The following ZNF112 variants were observed in gnomAD, a reference collection of about 807,000 sequenced individuals.
The protein encoded by ZNF112 is zinc finger protein 112.
ZNF112 carries 37 observed loss-of-function variants against 77.7 expected under a neutral mutation model. The ratio of observed to expected loss-of-function variants is 0.48; its 90% CI spans 0.37 to 0.63. The LOEUF (loss-of-function observed/expected upper bound fraction) is 0.63. Among genes scored for constraint, ZNF112 ranks in the 20% least tolerant of loss-of-function variants. ZNF112 has a pLI of 0.00. For synonymous variants in ZNF112, 333 were observed against 363.6 expected, an observed-to-expected ratio of 0.92 and a Z score of 0.96; for missense variants, 950 against 1,077.4, an observed-to-expected ratio of 0.88 and a Z score of 1.66.
chr19:44,347,672 T>C (rs1970620976), intron 1 of ZNF112, among the ~76,000 whole-genome samples: 1 of 151,938 alleles, frequency 6.6e-6, no homozygotes, highest in African/African-American at 2.4e-5. Flanking sequence ...AACAAATAGT[T>C]TCCTTTATCT....
At chr19:44,330,662 T>C (rs1024856884) in intron 3 of ZNF112, among the ~76,000 whole-genome samples, 7 of 152,046 alleles carry the variant, frequency 4.6e-5, no homozygotes, top group Non-Finnish European at 7.4e-5. Flanking sequence ...CTTGAACCCA[T>C]GAGGCAGAGG....
At chr19:44,331,077 C>G (rs1970262521) in intron 3 of ZNF112, among the ~76,000 whole-genome samples, 1 of 152,184 alleles carries the variant, frequency 6.6e-6, no homozygotes. Flanking sequence ...AACGCGCTGC[C>G]AGCTGCGCTA....
Position 44,328,820 on chromosome 19 carries a change from A to T in ZNF112, c.1337T>A (p.Phe446Tyr). The T allele has an allele frequency of 6.2e-7, 1 of 1,614,074 alleles. No homozygotes were observed. The highest frequency in any genetic ancestry group is 8.5e-7 in the Non-Finnish European group (1 of 1,179,970). Residue 446 changes from phenylalanine (F) to tyrosine (Y), a missense_variant, in exon 4 of 4, where the codon TTC becomes TAC. Phe to Tyr is a conservative substitution (Grantham distance 22, BLOSUM62 3). This residue lies in a region of ZNF112 where 560 missense variants were observed against 557.3 expected (regional missense o/e 1.00). Coordinates refer to ENST00000354340, the MANE Select transcript of ZNF112 (RefSeq NM_013380.4). The stretch of plus-strand genomic sequence containing the variant: ...GTCCTGAAAATGTGAGGCCAGACTG[A>T]AGCCATTACCACACTCCTCAGAATT... ...SYNSEECGNG[F>Y]SLASHFQDLQ...
intron 1 of ZNF112, among the ~76,000 whole-genome samples, chr19:44,345,944 T>C (rs1266883502): frequency 6.6e-6 from 1 of 152,222 alleles, no homozygotes; most frequent in Non-Finnish European, 1.5e-5. Context: ...CTCTGTCCAA[T>C]ATTGTTCTTT....
intron 1 of ZNF112, chr19:44,343,189 A>T (rs371854777): frequency 4.5e-6 from 7 of 1,571,738 alleles, no homozygotes; most frequent in Non-Finnish European, 6.1e-6. Flanking sequence ...AAGGGGGAAA[A>T]AGATATGTCC....
At position 44,326,896 on chromosome 19, in the gene ZNF112, T is replaced by C. The variant is rs1006363273; in HGVS notation, c.*537A>G. On this transcript the variant is annotated 3_prime_UTR_variant, in exon 4 of 4. Coordinates refer to ENST00000354340, the MANE Select transcript of ZNF112 (RefSeq NM_013380.4). Reference sequence around the variant, plus strand: ...CAATAGGGTTACAATCAAATTAATGTTATTTCAGATCATCATAATGCTTAT... The same window carrying C: ...CAATAGGGTTACAATCAAATTAATGCTATTTCAGATCATCATAATGCTTAT... 6.5e-5 allele frequency: 10 copies of C among 153,984 alleles called. No individual in the cohort carries two copies. The highest frequency in any genetic ancestry group is 2.4e-4 in the African/African-American group (10 of 41,448). The allele number at this position is 153,984 out of a possible 1,614,324, so 9.5% of individuals were successfully genotyped here.
Position 44,328,002 on chromosome 19 carries a change from C to T in ZNF112, c.2155G>A (p.Val719Ile). 1.2e-6 allele frequency: 2 copies of T among 1,613,912 alleles called. No individual in the cohort carries two copies. Among genetic ancestry groups the T allele is most frequent in the Non-Finnish European group, 1.7e-6 (2 of 1,179,964 alleles). ...CTCTGACTGAAGCCCTTTCCACATACCTCACATATATATGGTCTTTCTCCA... is the reference window on the plus strand; with the variant it reads ...CTCTGACTGAAGCCCTTTCCACATATCTCACATATATATGGTCTTTCTCCA... Reference protein sequence around the residue: ...HSGERPYICEVCGKGFSQRAY... With the variant: ...HSGERPYICEICGKGFSQRAY... The change falls in exon 4 of 4, where the codon GTA (valine) becomes ATA (isoleucine). Residue 719 changes from valine to isoleucine, a missense_variant. Val to Ile is a conservative substitution (Grantham distance 29). Coordinates refer to ENST00000354340, the MANE Select transcript of ZNF112 (RefSeq NM_013380.4).
chr19:44,333,461 G>A (rs560617354), intron 3 of ZNF112, among the ~76,000 whole-genome samples: 18 of 152,114 alleles, frequency 1.2e-4, no homozygotes, highest in East Asian at 3.9e-4. Context: ...TTCGCTCTGC[G>A]TCCCCACCCA....
chr19:44,361,182 A>C (rs906555464), upstream of ZNF112, among the ~76,000 whole-genome samples: 2 of 152,182 alleles, frequency 1.3e-5, no homozygotes, highest in Admixed American at 6.5e-5. Flanking sequence ...AATAGTAAAA[A>C]TATGAAGAAA....
upstream of ZNF112, among the ~76,000 whole-genome samples, chr19:44,359,780 T>C (rs1039816424): frequency 2.0e-5 from 3 of 152,184 alleles, no homozygotes; most frequent in African/African-American, 7.2e-5. Context: ...AATCCATAGA[T>C]AAAAGACTGT....
chr19:44,352,363 A>G (rs1970708912), intron 1 of ZNF112, among the ~76,000 whole-genome samples: 1 of 152,146 alleles, frequency 6.6e-6, no homozygotes, highest in African/African-American at 2.4e-5. Flanking sequence ...GACAAAATAC[A>G]ACATCCACTC....
At chr19:44,358,535 G>C (rs1970821712), upstream of ZNF112, among the ~76,000 whole-genome samples, 1 of 152,176 alleles carries the variant, frequency 6.6e-6, no homozygotes, top group African/African-American at 2.4e-5. Flanking sequence ...TGATGGTCTA[G>C]TTTAGGATCT....
chr19:44,328,300 T>C lies in ZNF112; in HGVS notation c.1857A>G (p.Gln619=), dbSNP rs755396483. 1 of 1,613,966 alleles carries C rather than the reference T, an allele frequency of 6.2e-7. No individual in the cohort carries two copies. The highest frequency in any genetic ancestry group is 8.5e-7 in the Non-Finnish European group (1 of 1,179,940). Reference sequence around the variant, plus strand: ...CTCCAGTGTGGACTCTCTGATGGCCTTGAAGGTGTGAACTCCGACTGAAGC... The same window carrying C: ...CTCCAGTGTGGACTCTCTGATGGCCCTGAAGGTGTGAACTCCGACTGAAGC... ...GKGFSRSSHL[Q]GHQRVHTGEK... The change falls in exon 4 of 4, where the codon CAA becomes CAG. Residue 619 remains glutamine, a synonymous_variant. Transcript: ENST00000354340.
At chr19:44,336,741 A>G in intron 2 of ZNF112, 23 bp from the exon 3 acceptor site, 1 of 1,603,052 alleles carries the variant, frequency 6.2e-7, no homozygotes, top group Non-Finnish European at 8.5e-7. Flanking sequence ...AAAGGACAGC[A>G]AAAGTTTTTA....
At position 44,328,000 on chromosome 19, in the gene ZNF112, T is replaced by C. The variant is rs765400883; in HGVS notation, c.2157A>G (p.Val719=). ...CTCTCTGACTGAAGCCCTTTCCACATACCTCACATATATATGGTCTTTCTC... is the reference window on the plus strand; with the variant it reads ...CTCTCTGACTGAAGCCCTTTCCACACACCTCACATATATATGGTCTTTCTC... ...HSGERPYICE[V]CGKGFSQRAY... Residue 719 remains valine (V), a synonymous_variant, in exon 4 of 4, where the codon GTA becomes GTG. Transcript: ENST00000354340. 3.7e-6 allele frequency: 6 copies of C among 1,613,514 alleles called. No homozygotes were observed. In the African/African-American group the frequency reaches 8.0e-5, roughly 22 times the overall value.
chr19:44,329,033 T>G lies in ZNF112; in HGVS notation c.1124A>C (p.His375Pro), dbSNP rs1970204774. ...ATATTCATGGGGTTCATCCCTAGTA[T>G]GGACCCTAAAAATACTATTAAGGTC... Reference protein sequence around the residue: ...SLDLNSIFRVHTRDEPHEYEE... With the variant: ...SLDLNSIFRVPTRDEPHEYEE... Residue 375 changes from histidine (H) to proline (P), a missense_variant, in exon 4 of 4, where the codon CAT becomes CCT. Physicochemically the swap from His to Pro is moderately conservative, Grantham distance 77. Coordinates refer to ENST00000354340, the MANE Select transcript of ZNF112 (RefSeq NM_013380.4). 6.2e-7 allele frequency: 1 copy of G among 1,613,828 alleles called. No individual in the cohort carries two copies. Among genetic ancestry groups the G allele is most frequent in the Non-Finnish European group, 8.5e-7 (1 of 1,179,972 alleles).
intron 1 of ZNF112, among the ~76,000 whole-genome samples, chr19:44,355,728 A>G (rs1970774652): frequency 6.6e-6 from 1 of 152,368 alleles, no homozygotes; most frequent in Non-Finnish European, 1.5e-5. Flanking sequence ...TCAAACTCTT[A>G]GAATGATCAG....
Position 44,329,171 on chromosome 19 carries a change from T to C in ZNF112, c.986A>G (p.Glu329Gly). ...HTEEKPCKCG[E>G]YGENFNHCSP... is the part of the protein sequence containing the mutation. ...ACAGTGATTGAAGTTCTCACCATAT[T>C]CACCACATTTGCATGGTTTCTCCTC... is the stretch of plus-strand genomic sequence containing the variant. Residue 329 changes from glutamate to glycine, a missense_variant, in exon 4 of 4, where the codon GAA becomes GGA. Glu to Gly is a moderately conservative substitution (Grantham distance 98). Transcript: ENST00000354340. 1 of 1,613,936 alleles carries C rather than the reference T, an allele frequency of 6.2e-7. No homozygotes were observed. Among genetic ancestry groups the C allele is most frequent in the Non-Finnish European group, 8.5e-7 (1 of 1,180,004 alleles).
intron 1 of ZNF112, among the ~76,000 whole-genome samples, chr19:44,354,056 G>A (rs987279715): frequency 2.6e-5 from 4 of 152,130 alleles, no homozygotes; most frequent in African/African-American, 7.2e-5. Context: ...GTATTGATAC[G>A]TATAACAACT....
Sources: gnomAD v4.1 joint callset for allele counts (sites outside exome capture counted in the v4.1 genomes callset) on GRCh38, gnomAD v4.1.1 for gene constraint, gnomAD v4.1.1 regional missense constraint, MANE v1.5 for transcripts, NCBI Gene and HGNC (gene_info 2026-07-23, HGNC 2026-07-21) for gene names.